HNF4A: variants seen among roughly 807,000 people sequenced by gnomAD.
The protein encoded by HNF4A is hepatocyte nuclear factor 4 alpha.
A neutral mutation model predicts 52.4 loss-of-function variants in HNF4A; 15 were observed. The observed-to-expected ratio is 0.29, with a 90% CI of 0.19 to 0.44. HNF4A has a LOEUF of 0.44. HNF4A is among the 20% of genes least tolerant of loss of function. The pLI is 1.00. For missense variants in HNF4A, 479 were observed against 647.2 expected, an observed-to-expected ratio of 0.74 and a Z score of 2.82; for synonymous variants, 280 against 264.4, an observed-to-expected ratio of 1.06 and a Z score of -0.57.
chr20:44,375,284 T>C (rs1325829291), intron 1 of HNF4A, among the ~76,000 whole-genome samples: 4 of 151,956 alleles, frequency 2.6e-5, no homozygotes, highest in African/African-American at 9.7e-5. Flanking sequence ...TAGCTCCTTG[T>C]AGAATTGCTA....
chr20:44,380,024 G>A (rs1053174268), intron 1 of HNF4A, among the ~76,000 whole-genome samples: 20 of 152,106 alleles, frequency 1.3e-4, no homozygotes, highest in African/African-American at 4.3e-4. Context: ...GAGCCACTGT[G>A]CCTGGCCCAC....
rs537843651 is a variant in HNF4A at position 44,387,288 on chromosome 20, TAAAAAAA to T, written c.50-18751_50-18745del. On this transcript the variant is annotated intron_variant, in intron 1 of 9. Coordinates refer to the HNF4A transcript ENST00000316673. ...GAGTGACAAGAGCGAAACTTCATCT[TAAAAAAA>T]AAAAAAAAAAAAAAAAAAGAAGTAT... 5.0e-4 allele frequency among the ~76,000 whole-genome samples: 41 copies of T among 82,012 alleles called. No homozygotes were observed. In the East Asian group the frequency reaches 5.6e-3, roughly 11 times the overall value. The allele number at this position is 82,012 out of a possible 152,430, so 53.8% of individuals were successfully genotyped here.
chr20:44,380,534 T>G (rs1433792816), intron 1 of HNF4A, among the ~76,000 whole-genome samples: 1 of 152,190 alleles, frequency 6.6e-6, no homozygotes, highest in South Asian at 2.1e-4. Flanking sequence ...GCTCAAGCAA[T>G]CCTCCTGCCT....
intron 1 of HNF4A, among the ~76,000 whole-genome samples, chr20:44,359,345 G>A (rs568133790): frequency 1.2e-3 from 184 of 152,288 alleles, no homozygotes; most frequent in African/African-American, 4.1e-3. Context: ...CTGCACTTAC[G>A]TGTCTGAAGC....
chr20:44,411,429 A>G (rs6130612), intron 3 of HNF4A, among the ~76,000 whole-genome samples: 1 of 152,158 alleles, frequency 6.6e-6, no homozygotes, highest in East Asian at 1.9e-4. Flanking sequence ...GAGGAGCCCT[A>G]TCCGCAGCTG....
rs964401071 is a variant in HNF4A, at chr20:44,407,300, A to G, written c.291-81A>G. The stretch of plus-strand genomic sequence containing the variant: ...TGAGAGCACTGAGGTTGGGGGGTCA[A>G]CTGGATAGCCAGGGCCCTAGTTCTG... On this transcript the variant is annotated intron_variant, in intron 2 of 9. Coordinates refer to ENST00000316099, the MANE Select transcript of HNF4A (RefSeq NM_000457.6). 5.7e-6 allele frequency: 6 copies of G among 1,050,846 alleles called. No individual in the cohort carries two copies. In the African/African-American group the frequency reaches 9.4e-5, roughly 17 times the overall value. The allele number at this position is 1,050,846 out of a possible 1,614,324, so 65.1% of individuals were successfully genotyped here.
chr20:44,360,733 C>A (rs367979016), intron 1 of HNF4A, among the ~76,000 whole-genome samples: 2 of 152,180 alleles, frequency 1.3e-5, no homozygotes, highest in African/African-American at 4.8e-5. Flanking sequence ...TTTTTCCTAG[C>A]TATGTAGGCC....
chr20:44,429,437 A>C, intron 9 of HNF4A, 86 bp from the exon 10 acceptor site: 3 of 1,429,906 alleles, frequency 2.1e-6, no homozygotes, highest in Non-Finnish European at 2.9e-6. Flanking sequence ...GCAGGGTGGG[A>C]GGGGAGAACT....
intron 1 of HNF4A, among the ~76,000 whole-genome samples, chr20:44,386,826 A>G (rs183172771): frequency 1.0e-3 from 155 of 152,352 alleles, no homozygotes; most frequent in African/African-American, 3.5e-3. Context: ...TAAATGTTGG[A>G]GCACATACGA....
intron 1 of HNF4A, among the ~76,000 whole-genome samples, chr20:44,401,779 C>T (rs1355578151): frequency 2.0e-5 from 3 of 152,174 alleles, no homozygotes; most frequent in South Asian, 2.1e-4. Context: ...CTCTGCTTGG[C>T]GCTTGGCACA....
At chr20:44,408,093 A>G (rs1600712342) in intron 3 of HNF4A, 2 of 167,260 alleles carry the variant, frequency 1.2e-5, no homozygotes, top group East Asian at 1.6e-4. Context: ...AGCAGGTATC[A>G]GTCACTGGGC....
intron 1 of HNF4A, among the ~76,000 whole-genome samples, chr20:44,374,646 T>C (rs901963083): frequency 6.6e-6 from 1 of 152,134 alleles, no homozygotes; most frequent in African/African-American, 2.4e-5. Context: ...GTATTTTTAG[T>C]AGAGACACAG....
At chr20:44,389,904 G>C (rs551198150) in intron 1 of HNF4A, 1 of 152,540 alleles carries the variant, frequency 6.6e-6, no homozygotes, top group East Asian at 1.9e-4. Context: ...GAGACCACGG[G>C]GTTCTGGAAG....
At chr20:44,377,639 T>C (rs2063100043) in intron 1 of HNF4A, 1 of 152,132 alleles carries the variant, frequency 6.6e-6, no homozygotes, top group African/African-American at 2.4e-5. Flanking sequence ...GGTGGGCACC[T>C]GTAATCCCAG....
Position 44,364,758 on chromosome 20 carries a change from G to A in HNF4A, c.49+8905G>A, listed in dbSNP as rs186192368. ...GCTGGGGTTACAGGTGTGAGCCACC[G>A]TGCCCAGCCGGTCCTTCAATTTATT... On this transcript the variant is annotated intron_variant, in intron 1 of 9. Transcript: ENST00000316673. Among the ~76,000 whole-genome samples the A allele has an allele frequency of 2.9e-3, 446 of 152,248 alleles. 3 individuals are homozygous for A. The highest frequency in any genetic ancestry group is 4.5e-3 in the Non-Finnish European group (307 of 68,018).
intron 1 of HNF4A, among the ~76,000 whole-genome samples, chr20:44,369,147 G>A (rs570925578): frequency 1.6e-3 from 233 of 150,186 alleles, no homozygotes; most frequent in Admixed American, 3.6e-3. Context: ...TACTGTGGAG[G>A]CTGAGGCAGG....
chr20:44,387,395 G>A (rs574699403), intron 1 of HNF4A, among the ~76,000 whole-genome samples: 175 of 151,044 alleles, frequency 1.2e-3, no homozygotes, highest in African/African-American at 4.1e-3. Context: ...TAGTATGCCT[G>A]CTGCTGATAG....
chr20:44,368,004 C>T (rs1392821432), intron 1 of HNF4A, among the ~76,000 whole-genome samples: 1 of 148,740 alleles, frequency 6.7e-6, no homozygotes, highest in Non-Finnish European at 1.5e-5. Flanking sequence ...CTCTCCTTCA[C>T]GCAGTTGTCC....
intron 8 of HNF4A, 35 bp from the exon 9 acceptor site, chr20:44,428,300 G>C: frequency 6.2e-7 from 1 of 1,612,534 alleles, no homozygotes; most frequent in Non-Finnish European, 8.5e-7. Context: ...CTGCATCCCA[G>C]ACTCTCCATC....
Sources: gnomAD v4.1 joint callset for allele counts (sites outside exome capture counted in the v4.1 genomes callset) on GRCh38, gnomAD v4.1.1 for gene constraint, MANE v1.5 for transcripts, NCBI Gene and HGNC (gene_info 2026-07-23, HGNC 2026-07-21) for gene names.